Variants in CACNA2D3 observed in about 807,000 individuals in gnomAD.
CACNA2D3 encodes voltage-dependent calcium channel subunit alpha-2/delta-3.
In CACNA2D3, 60 loss-of-function variants were observed where a neutral mutation model predicts 160.6. The observed-to-expected ratio is 0.37, with a 90% confidence interval of 0.30 to 0.46. CACNA2D3 has a LOEUF of 0.46. Among genes scored for constraint, CACNA2D3 ranks in the 20% least tolerant of loss-of-function variants. The pLI, the probability that CACNA2D3 is intolerant of heterozygous loss-of-function variation, is 1.00. For missense variants in CACNA2D3, 1,205 were observed against 1,365.0 expected, an observed-to-expected ratio of 0.88 and a Z score of 1.85; for synonymous variants, 558 against 492.9, an observed-to-expected ratio of 1.13 and a Z score of -1.75.
At chr3:54,309,465 A>G (rs1441862083) in intron 2 of CACNA2D3, among the ~76,000 whole-genome samples, 1 of 152,136 alleles carries the variant, frequency 6.6e-6, no homozygotes, top group Non-Finnish European at 1.5e-5. Context: ...GTAAAACAGG[A>G]GAGGAGAGAT....
At position 54,245,983 on chromosome 3, in the gene CACNA2D3, A is replaced by G. The variant is rs76898112; in HGVS notation, c.205-74459A>G. ...TGGGATTACAGGCGTGAGCGCCTGC[A>G]TATCTACATTTTGAGAGCATGTAGC... is the stretch of plus-strand genomic sequence containing the variant. On this transcript the variant is annotated intron_variant, in intron 2 of 37. Transcript: ENST00000474759. Among the ~76,000 whole-genome samples, 104 of 152,342 alleles carry G rather than the reference A, an allele frequency of 6.8e-4. 3 individuals are homozygous for G. In the East Asian group the frequency reaches 0.017, roughly 24 times the overall value.
In CACNA2D3 at chr3:54,652,833, A is replaced by G. The variant is rs1360021082; in HGVS notation, c.1167+10592A>G. Among the ~76,000 whole-genome samples, 7 of 124,960 alleles carry G rather than the reference A, an allele frequency of 5.6e-5. No individual in the cohort carries two copies. The East Asian group carries it at 1.2e-3, about 22-fold the overall frequency. 82.0% of individuals were successfully genotyped at this position (124,960 alleles called of 152,430 possible). On this transcript the variant is annotated intron_variant, in intron 11 of 37. Transcript: ENST00000474759. ...AGTTTCGCTGTGTCACCCGGGCTGG[A>G]GTGTAGTTGCGTAATCATGGCTCAC...
chr3:54,646,132 TTCCTTCCTTCCTTCCTTCCCTCCC>T (rs1170439316), intron 11 of CACNA2D3, among the ~76,000 whole-genome samples: 3 of 25,960 alleles, frequency 1.2e-4, no homozygotes, highest in African/African-American at 2.1e-4. Flanking sequence ...CCTTTCTTCC[TTCCTTCCTTCCTTCCTTCCCTCCC>T]TCCCTCCCTC....
chr3:54,422,939 A>C (rs1699860529), intron 4 of CACNA2D3, among the ~76,000 whole-genome samples: 1 of 152,218 alleles, frequency 6.6e-6, no homozygotes, highest in South Asian at 2.1e-4. Context: ...ACTGTGGCCT[A>C]TCCGTGGAAT....
intron 4 of CACNA2D3, among the ~76,000 whole-genome samples, chr3:54,414,168 G>T (rs1575442429): frequency 6.6e-6 from 1 of 151,926 alleles, no homozygotes; most frequent in Non-Finnish European, 1.5e-5. Context: ...GTTTGATCTT[G>T]TGCATTCTAA....
chr3:54,474,398 G>C (rs975419439), intron 4 of CACNA2D3, among the ~76,000 whole-genome samples: 4 of 152,002 alleles, frequency 2.6e-5, no homozygotes, highest in African/African-American at 9.7e-5. Flanking sequence ...GGGCCTGTCA[G>C]GGGGTGGGGG....
Position 54,842,807 on chromosome 3 carries a change from A to G in CACNA2D3, c.1552-3586A>G, listed in dbSNP as rs566221683. Reference sequence around the variant, plus strand: ...GTAGAGATGGGGTTTCACCATGTTCACCAGGCTGGTCTTGAACTCCTAACC... The same window carrying G: ...GTAGAGATGGGGTTTCACCATGTTCGCCAGGCTGGTCTTGAACTCCTAACC... On this transcript the variant is annotated intron_variant, in intron 16 of 37. Transcript: ENST00000474759. Among the ~76,000 whole-genome samples the G allele has an allele frequency of 3.3e-5, 5 of 150,838 alleles. 1 individual carries two copies. The South Asian group carries it at 1.1e-3, about 32-fold the overall frequency.
chr3:54,994,054 G>A (rs187666665), intron 31 of CACNA2D3, among the ~76,000 whole-genome samples: 213 of 152,004 alleles, frequency 1.4e-3, no homozygotes, highest in African/African-American at 4.5e-3. Flanking sequence ...TGTCCTTGTC[G>A]CTGCACCCCA....
At chr3:54,582,816 T>C (rs971879197) in intron 9 of CACNA2D3, among the ~76,000 whole-genome samples, 2 of 152,166 alleles carry the variant, frequency 1.3e-5, no homozygotes, top group African/African-American at 4.8e-5. Context: ...GTAGAAGCAC[T>C]TAATTTAGGT....
chr3:54,855,493 C>G (rs574477917), intron 17 of CACNA2D3, among the ~76,000 whole-genome samples: 1 of 151,714 alleles, frequency 6.6e-6, no homozygotes, highest in Non-Finnish European at 1.5e-5. Flanking sequence ...CTGAGTGATA[C>G]GAAGGTGAGA....
intron 3 of CACNA2D3, among the ~76,000 whole-genome samples, chr3:54,331,802 C>T (rs571984303): frequency 1.5e-4 from 23 of 152,278 alleles, no homozygotes; most frequent in Non-Finnish European, 2.9e-4. Context: ...TCAGCCCTCA[C>T]CTATTAAAAG....
At chr3:54,719,017 A>T (rs1274233100) in intron 11 of CACNA2D3, among the ~76,000 whole-genome samples, 2 of 152,010 alleles carry the variant, frequency 1.3e-5, no homozygotes, top group African/African-American at 2.4e-5. Flanking sequence ...TGCCAAGTTC[A>T]CTTACTGAAA....
At chr3:54,555,183 T>TAA (rs1164445410) in intron 5 of CACNA2D3, among the ~76,000 whole-genome samples, 1 of 152,146 alleles carries the variant, frequency 6.6e-6, no homozygotes, top group Non-Finnish European at 1.5e-5. Flanking sequence ...GCCAAGACCT[T>TAA]ATTTATTTAT....
chr3:55,027,686 C>T (rs973652947), intron 35 of CACNA2D3, among the ~76,000 whole-genome samples: 1 of 152,236 alleles, frequency 6.6e-6, no homozygotes, highest in African/African-American at 2.4e-5. Flanking sequence ...AATTCTGCAG[C>T]GTTTGGCCAG....
chr3:54,859,998 A>ACACG (rs1174040151), intron 17 of CACNA2D3, among the ~76,000 whole-genome samples: 4 of 151,792 alleles, frequency 2.6e-5, no homozygotes, highest in African/African-American at 9.7e-5. Context: ...ACACACACAC[A>ACACG]CACACACACA....
intron 5 of CACNA2D3, among the ~76,000 whole-genome samples, chr3:54,508,945 T>A (rs1394600119): frequency 6.6e-6 from 1 of 152,218 alleles, no homozygotes. Context: ...GGCAGAAGTC[T>A]GATGAGATGG....
At chr3:54,415,970 T>A (rs1699747325) in intron 4 of CACNA2D3, among the ~76,000 whole-genome samples, 1 of 152,136 alleles carries the variant, frequency 6.6e-6, no homozygotes, top group Non-Finnish European at 1.5e-5. Context: ...CAAAAATAAA[T>A]TTTCTAGAAT....
chr3:54,550,276 GC>G (rs1273324026), intron 5 of CACNA2D3, among the ~76,000 whole-genome samples: 1 of 152,164 alleles, frequency 6.6e-6, no homozygotes, highest in Non-Finnish European at 1.5e-5. Context: ...TGCTGAGGGG[GC>G]CATGAGAGAG....
chr3:54,925,274 C>G (rs1575380187), intron 27 of CACNA2D3: 3 of 1,378,096 alleles, frequency 2.2e-6, no homozygotes, highest in African/African-American at 2.9e-5. Flanking sequence ...GGTATCAGCA[C>G]TTTTCCGCCT....
Sources: allele counts gnomAD v4.1 joint callset (sites outside exome capture counted in the v4.1 genomes callset), GRCh38; gene constraint gnomAD v4.1.1; transcripts MANE v1.5; gene names NCBI Gene and HGNC (gene_info 2026-07-23, HGNC 2026-07-21).